The following FAM240B variants were observed in gnomAD, a reference collection of about 807,000 sequenced individuals.
FAM240B encodes family with sequence similarity 240 member B, also known as protein FAM240B.
At chr9:38,700,035 C>T (rs1821107712) in intron 2 of FAM240B, among the ~76,000 whole-genome samples, 1 of 152,322 alleles carries the variant, frequency 6.6e-6, no homozygotes, top group East Asian at 1.9e-4. Flanking sequence ...CTGCAGCTCA[C>T]TGGCTGCATC....
In FAM240B at chr9:38,694,455, C is replaced by A. The variant is rs1587587109; in HGVS notation, c.*321G>T. 1 of 219,210 alleles carries A rather than the reference C, an allele frequency of 4.6e-6. No homozygotes were observed. Among genetic ancestry groups the A allele is most frequent in the East Asian group, 9.3e-5 (1 of 10,718 alleles). The allele number at this position is 219,210 out of a possible 1,614,324, so 13.6% of individuals were successfully genotyped here. A position where few individuals can be genotyped will look rare whatever the true frequency, so the allele number is the denominator to read the frequency against. ...AAATGTCTCAAGACTTGAAACATTTCAAAATGACAAGGAAATGTGGAAATA... is the reference window on the plus strand; with the variant it reads ...AAATGTCTCAAGACTTGAAACATTTAAAAATGACAAGGAAATGTGGAAATA... On this transcript the variant is annotated 3_prime_UTR_variant, in exon 3 of 3. Coordinates refer to ENST00000637493, the MANE Select transcript of FAM240B (RefSeq NM_001394922.1).
intron 2 of FAM240B, among the ~76,000 whole-genome samples, chr9:38,700,054 A>G: frequency 6.6e-6 from 1 of 152,222 alleles, no homozygotes; most frequent in East Asian, 1.9e-4. Flanking sequence ...TCTCTGGTCA[A>G]GGGGCAGAGC....
intron 1 of FAM240B, among the ~76,000 whole-genome samples, chr9:38,704,933 G>A (rs1053856201): frequency 2.6e-5 from 4 of 152,194 alleles, no homozygotes; most frequent in African/African-American, 9.7e-5. Context: ...GATCTTCTTT[G>A]CTCACACGAA....
At chr9:38,716,834 G>A (rs191875166) in intron 1 of FAM240B, among the ~76,000 whole-genome samples, 14 of 152,292 alleles carry the variant, frequency 9.2e-5, no homozygotes, top group Admixed American at 9.1e-4. Flanking sequence ...AAATAGCTGC[G>A]TTTTCAGAAA....
intron 1 of FAM240B, among the ~76,000 whole-genome samples, chr9:38,712,207 TG>T (rs1323995713): frequency 6.6e-6 from 1 of 152,156 alleles, no homozygotes; most frequent in African/African-American, 2.4e-5. Context: ...AACTCAGCCC[TG>T]TTATTCCCTC....
intron 1 of FAM240B, among the ~76,000 whole-genome samples, chr9:38,717,186 C>G (rs1423792291): frequency 1.3e-5 from 2 of 152,204 alleles, no homozygotes; most frequent in Non-Finnish European, 2.9e-5. Flanking sequence ...CCCTTTGTTT[C>G]CCTTTTCTTG....
intron 2 of FAM240B, among the ~76,000 whole-genome samples, chr9:38,701,365 C>T (rs577266836): frequency 2.4e-4 from 36 of 152,226 alleles, no homozygotes; most frequent in African/African-American, 8.4e-4. Flanking sequence ...GGGGCTCTGA[C>T]ATTTTCGTTC....
chr9:38,712,663 G>A (rs1257707353), intron 1 of FAM240B, among the ~76,000 whole-genome samples: 1 of 152,210 alleles, frequency 6.6e-6, no homozygotes, highest in African/African-American at 2.4e-5. Flanking sequence ...TGACATCACA[G>A]AAGTGACAGT....
At chr9:38,710,949 TC>T (rs1297196435) in intron 1 of FAM240B, among the ~76,000 whole-genome samples, 1 of 151,894 alleles carries the variant, frequency 6.6e-6, no homozygotes. Flanking sequence ...CAAACCCAAC[TC>T]CCAAGCCCGT....
intron 2 of FAM240B, among the ~76,000 whole-genome samples, chr9:38,698,752 A>G (rs1421773215): frequency 6.6e-6 from 1 of 152,212 alleles, no homozygotes; most frequent in Non-Finnish European, 1.5e-5. Context: ...GGTTCATAAT[A>G]TATTAATTCA....
In FAM240B at chr9:38,699,593, G is replaced by A. The variant is rs79977501; in HGVS notation, c.143+4264C>T. The stretch of plus-strand genomic sequence containing the variant: ...GCTGCCCACAGGGGAGCCATGTCAT[G>A]CAGGAATTGCCTGGAACTAGCACCC... On this transcript the variant is annotated intron_variant, in intron 2 of 2. Transcript: ENST00000637493. 5.7e-3 allele frequency among the ~76,000 whole-genome samples: 875 copies of A among 152,328 alleles called. 19 individuals carry two copies. The highest frequency in any genetic ancestry group is 3.8e-3 in the Non-Finnish European group (259 of 68,020).
At chr9:38,719,447 C>A (rs1432816217) in intron 1 of FAM240B, among the ~76,000 whole-genome samples, 1 of 152,100 alleles carries the variant, frequency 6.6e-6, no homozygotes, top group Non-Finnish European at 1.5e-5. Context: ...AATCAAATAA[C>A]ATTTATTGAA....
chr9:38,696,674 C>T (rs1366291313), intron 2 of FAM240B, among the ~76,000 whole-genome samples: 1 of 152,070 alleles, frequency 6.6e-6, no homozygotes, highest in Non-Finnish European at 1.5e-5. Context: ...ATTAGCTGGG[C>T]ATGGTGGCGG....
chr9:38,703,058 A>G (rs1038747882), intron 2 of FAM240B, among the ~76,000 whole-genome samples: 1 of 152,194 alleles, frequency 6.6e-6, no homozygotes, highest in Non-Finnish European at 1.5e-5. Context: ...ATTGAGGCCA[A>G]GGATGCTGAT....
chr9:38,709,267 G>A (rs748065741), intron 1 of FAM240B, among the ~76,000 whole-genome samples: 5 of 152,126 alleles, frequency 3.3e-5, no homozygotes, highest in Non-Finnish European at 7.4e-5. Context: ...GAGATGAGCT[G>A]TGCCATCTTC....
intron 1 of FAM240B, among the ~76,000 whole-genome samples, chr9:38,704,923 G>C (rs1000056964): frequency 6.6e-6 from 1 of 152,208 alleles, no homozygotes; most frequent in African/African-American, 2.4e-5. Flanking sequence ...TTGCTCTACA[G>C]ATCTTCTTTG....
chr9:38,718,518 A>C (rs1821333853), intron 1 of FAM240B, among the ~76,000 whole-genome samples: 2 of 152,184 alleles, frequency 1.3e-5, no homozygotes, highest in Non-Finnish European at 2.9e-5. Context: ...ATCTGAATGG[A>C]CCACCTTAAG....
At chr9:38,709,509 C>T (rs1203536217) in intron 1 of FAM240B, among the ~76,000 whole-genome samples, 1 of 152,134 alleles carries the variant, frequency 6.6e-6, no homozygotes, top group Non-Finnish European at 1.5e-5. Context: ...TGCACCTGGC[C>T]CAGGCAGAGA....
intron 1 of FAM240B, among the ~76,000 whole-genome samples, chr9:38,716,833 C>T (rs1224935277): frequency 6.6e-6 from 1 of 152,150 alleles, no homozygotes; most frequent in Non-Finnish European, 1.5e-5. Context: ...AAAATAGCTG[C>T]GTTTTCAGAA....
Sources: allele counts gnomAD v4.1 joint callset (sites outside exome capture counted in the v4.1 genomes callset), GRCh38; gene constraint gnomAD v4.1.1; transcripts MANE v1.5; gene names NCBI Gene and HGNC (gene_info 2026-07-23, HGNC 2026-07-21).